MED13L: variants seen among roughly 807,000 people sequenced by gnomAD.
MED13L encodes mediator complex subunit 13L.
MED13L carries 7 observed loss-of-function variants against 220.9 expected under a neutral mutation model. The observed-to-expected ratio is 0.03, with a 90% confidence interval of 0.02 to 0.06. The LOEUF (loss-of-function observed/expected upper bound fraction) is 0.06, where lower values mean the gene tolerates loss of function less well. Ranked by LOEUF, MED13L falls within the 10% of genes least tolerant of loss-of-function variation. MED13L has a pLI of 1.00. For missense variants in MED13L, 1,965 were observed against 2,760.5 expected (o/e 0.71, Z 6.46); for synonymous variants, 1,011 against 1,015.2 (o/e 1.00, Z 0.08).
At chr12:116,059,964 A>G (rs923503876) in intron 4 of MED13L, among the ~76,000 whole-genome samples, 1 of 152,134 alleles carries the variant, frequency 6.6e-6, no homozygotes, top group Non-Finnish European at 1.5e-5. Context: ...AAAACAAATC[A>G]CTGTGATATA....
chr12:115,961,604 T>C (rs1031494253), intron 30 of MED13L: 18 of 693,170 alleles, frequency 2.6e-5, no homozygotes, highest in African/African-American at 7.1e-5. Context: ...CAGCCACACA[T>C]GGCCATTGAG....
chr12:116,008,111 T>G (rs749111318), intron 10 of MED13L: 13 of 429,788 alleles, frequency 3.0e-5, no homozygotes, highest in Admixed American at 8.0e-5. Context: ...GAAAGTCTTA[T>G]AAAGCTATAT....
intron 1 of MED13L, among the ~76,000 whole-genome samples, chr12:116,272,036 T>C (rs896038631): frequency 6.6e-5 from 10 of 152,314 alleles, no homozygotes; most frequent in Admixed American, 6.5e-4. Context: ...TGATTCAAAG[T>C]TGAGAGACAG....
At chr12:116,064,191 A>G (rs1174132483) in intron 4 of MED13L, among the ~76,000 whole-genome samples, 1 of 151,968 alleles carries the variant, frequency 6.6e-6, no homozygotes, top group African/African-American at 2.4e-5. Flanking sequence ...TCAAAAAAAA[A>G]AAAAGTCTAG....
intron 2 of MED13L, among the ~76,000 whole-genome samples, chr12:116,158,378 G>C (rs1168604706): frequency 1.3e-5 from 2 of 152,128 alleles, no homozygotes; most frequent in Non-Finnish European, 2.9e-5. Flanking sequence ...TTCAGAATTA[G>C]TATTCAAAGA....
In MED13L at chr12:116,009,017, T is replaced by G. The variant is rs1566007801; in HGVS notation, c.1396A>C (p.Lys466Gln). ...TCCTGTCTTTCTGCTGTTTTGTGCT[T>G]AGAAGAAGCAGGAGGTGGTAAAGAT... ...SSSLPPPASS[K>Q]HKTAERQEKG... Residue 466 changes from lysine (K) to glutamine (Q), a missense_variant, in exon 10 of 31, where the codon AAG (lysine) becomes CAG (glutamine). Transcript: ENST00000281928. 2 of 1,614,050 alleles carry G rather than the reference T, an allele frequency of 1.2e-6. No homozygotes were observed. The highest frequency in any genetic ancestry group is 3.3e-5 in the Admixed American group (2 of 60,000).
chr12:116,160,757 ATTTTTTT>A (rs112094891), intron 2 of MED13L, among the ~76,000 whole-genome samples: 1 of 140,330 alleles, frequency 7.1e-6, no homozygotes, highest in South Asian at 2.3e-4. Context: ...TTTATTTTTT[ATTTTTTT>A]TTTTTTTGTA....
At chr12:116,142,873 A>G (rs1466588082) in intron 2 of MED13L, among the ~76,000 whole-genome samples, 1 of 152,224 alleles carries the variant, frequency 6.6e-6, no homozygotes, top group Non-Finnish European at 1.5e-5. Flanking sequence ...TTAAAATTTA[A>G]AACTATTCTT....
chr12:116,015,334 A>C, intron 7 of MED13L, 60 bp from the exon 8 acceptor site: 1 of 1,536,074 alleles, frequency 6.5e-7, no homozygotes, highest in Non-Finnish European at 9.0e-7. Flanking sequence ...TACTTCATAG[A>C]CTGCTATCTT....
intron 13 of MED13L, among the ~76,000 whole-genome samples, chr12:116,004,039 TTTC>T (rs1468982442): frequency 6.6e-6 from 1 of 152,218 alleles, no homozygotes; most frequent in African/African-American, 2.4e-5. Flanking sequence ...CAGTTAAACA[TTTC>T]TTCATTAAGC....
chr12:116,165,538 G>A (rs1392541033), intron 2 of MED13L, among the ~76,000 whole-genome samples: 1 of 151,590 alleles, frequency 6.6e-6, no homozygotes, highest in African/African-American at 2.4e-5. Flanking sequence ...CACTGTGTTA[G>A]CCGAATGGTC....
intron 9 of MED13L, among the ~76,000 whole-genome samples, chr12:116,011,786 C>T (rs1032459481): frequency 1.3e-5 from 2 of 152,198 alleles, no homozygotes; most frequent in African/African-American, 4.8e-5. Flanking sequence ...CCTTACATCT[C>T]TCAACAAGAG....
chr12:116,038,086 A>T (rs934457260), intron 4 of MED13L, among the ~76,000 whole-genome samples: 1 of 152,192 alleles, frequency 6.6e-6, no homozygotes, highest in African/African-American at 2.4e-5. Context: ...GTCTGACAGA[A>T]CACACAGATT....
intron 4 of MED13L, among the ~76,000 whole-genome samples, chr12:116,056,924 C>T (rs2551756): frequency 0.028 from 4,250 of 152,224 alleles, 104 homozygotes; most frequent in Non-Finnish European, 0.044. Flanking sequence ...TCTTTGTCTA[C>T]CTCAAAAGAT....
At chr12:116,175,686 T>A (rs1426774184) in intron 2 of MED13L, among the ~76,000 whole-genome samples, 3 of 151,926 alleles carry the variant, frequency 2.0e-5, no homozygotes, top group Admixed American at 2.0e-4. Flanking sequence ...AAAGCAGGTA[T>A]GAGAAGGAAA....
intron 2 of MED13L, among the ~76,000 whole-genome samples, chr12:116,124,042 T>C (rs539765455): frequency 1.8e-4 from 27 of 152,116 alleles, no homozygotes; most frequent in Middle Eastern, 3.4e-3. Flanking sequence ...CCAGCCATAC[T>C]GACATAGTAA....
chr12:116,241,530 C>T (rs1164127732), intron 1 of MED13L, among the ~76,000 whole-genome samples: 4 of 152,128 alleles, frequency 2.6e-5, no homozygotes, highest in African/African-American at 9.7e-5. Flanking sequence ...GTAGAGCAGA[C>T]AAAATATTTG....
At chr12:116,248,914 C>T (rs757407053) in intron 1 of MED13L, among the ~76,000 whole-genome samples, 7 of 152,200 alleles carry the variant, frequency 4.6e-5, no homozygotes, top group Non-Finnish European at 1.0e-4. Flanking sequence ...CACTAGACAA[C>T]AGGGAGTACA....
At chr12:116,142,070 A>G (rs1877126406) in intron 2 of MED13L, among the ~76,000 whole-genome samples, 1 of 152,072 alleles carries the variant, frequency 6.6e-6, no homozygotes. Flanking sequence ...CACCTCTTTT[A>G]GGTCTCACCT....
Sources: gnomAD v4.1 joint callset for allele counts (sites outside exome capture counted in the v4.1 genomes callset) on GRCh38, gnomAD v4.1.1 for gene constraint, MANE v1.5 for transcripts, NCBI Gene and HGNC (gene_info 2026-07-23, HGNC 2026-07-21) for gene names.